The following LAMB4 variants were observed in gnomAD, a reference collection of about 807,000 sequenced individuals.
LAMB4 encodes the protein laminin subunit beta 4, also known as laminin subunit beta-4.
A neutral mutation model predicts 199.2 loss-of-function variants in LAMB4; 196 were observed. The observed-to-expected ratio is 0.98, with a 90% CI of 0.88 to 1.11. The LOEUF (loss-of-function observed/expected upper bound fraction) is 1.11. Among genes scored for constraint, LAMB4 ranks in the 50% least tolerant of loss-of-function variants. The probability of loss-of-function intolerance (pLI) is 0.00; values close to 1 mark genes in which losing one functional copy is unlikely to be tolerated. For synonymous variants in LAMB4, 744 were observed against 770.6 expected (o/e 0.97, Z 0.57); for missense variants, 2,080 against 2,171.2 (o/e 0.96, Z 0.83).
chr7:108,112,556 G>C (rs554617775), intron 3 of LAMB4, among the ~76,000 whole-genome samples: 3 of 152,300 alleles, frequency 2.0e-5, no homozygotes, highest in African/African-American at 7.2e-5. Context: ...GCCTCCGAAA[G>C]TGATGAGATT....
At chr7:108,025,432 CTTT>C (rs767315122) in intron 33 of LAMB4, among the ~76,000 whole-genome samples, 2 of 109,614 alleles carry the variant, frequency 1.8e-5, no homozygotes. Flanking sequence ...TTCTTTCTTT[CTTT>C]TTTTTTTTTT....
intron 6 of LAMB4, 93 bp downstream of exon 6, chr7:108,107,538 A>T (rs2038066064): frequency 4.2e-6 from 4 of 957,858 alleles, no homozygotes; most frequent in Non-Finnish European, 4.7e-6. Context: ...AACTTACATT[A>T]CAGTAAACAC....
the LAMB4 span, among the ~76,000 whole-genome samples, chr7:108,017,226 T>C: frequency 2.0e-5 from 3 of 151,992 alleles, no homozygotes; most frequent in African/African-American, 7.2e-5. Flanking sequence ...CCTTCTAGAG[T>C]GGCCACTTTT....
At position 108,034,115 on chromosome 7, in the gene LAMB4, G is replaced by A. The variant is rs189169955; in HGVS notation, c.4818+93C>T. 519 of 1,225,610 alleles carry A rather than the reference G, an allele frequency of 4.2e-4. 4 individuals are homozygous for A. The African/African-American group carries it at 7.0e-3, about 16-fold the overall frequency. The allele number at this position is 1,225,610 out of a possible 1,614,324, so 75.9% of individuals were successfully genotyped here. On this transcript the variant is annotated intron_variant, in intron 31 of 33. Transcript: ENST00000388781. ...TCCTCATAATAATCCCATCAGACTC[G>A]TAAAGCAAGCATAGCATTGGCATAC... is the stretch of plus-strand genomic sequence containing the variant.
At chr7:108,080,322 A>T (rs938910707) in intron 14 of LAMB4, among the ~76,000 whole-genome samples, 1 of 152,198 alleles carries the variant, frequency 6.6e-6, no homozygotes, top group East Asian at 1.9e-4. Flanking sequence ...GACGGTCTCT[A>T]TACTGGATGT....
At chr7:108,077,443 C>A (rs527801514) in intron 16 of LAMB4, among the ~76,000 whole-genome samples, 1 of 152,208 alleles carries the variant, frequency 6.6e-6, no homozygotes, top group East Asian at 1.9e-4. Context: ...ACCTGTAATC[C>A]CAGCACTTTG....
intron 14 of LAMB4, among the ~76,000 whole-genome samples, chr7:108,090,427 A>G (rs1045581731): frequency 6.6e-6 from 1 of 152,130 alleles, no homozygotes; most frequent in Non-Finnish European, 1.5e-5. Context: ...CTTTAAACCT[A>G]TTCCATGTCC....
the LAMB4 span, among the ~76,000 whole-genome samples, chr7:108,013,334 C>G: frequency 6.8e-3 from 1,039 of 152,236 alleles, 13 homozygotes; most frequent in African/African-American, 0.023. Flanking sequence ...AGATAATTGT[C>G]TAGTCACGGT....
At chr7:108,044,650 A>G (rs1329123064) in intron 28 of LAMB4, among the ~76,000 whole-genome samples, 1 of 152,164 alleles carries the variant, frequency 6.6e-6, no homozygotes, top group Non-Finnish European at 1.5e-5. Flanking sequence ...GATCAAACAT[A>G]ATTAGGAAAA....
intron 14 of LAMB4, among the ~76,000 whole-genome samples, chr7:108,088,022 G>T (rs1442263868): frequency 6.6e-6 from 1 of 152,156 alleles, no homozygotes; most frequent in Non-Finnish European, 1.5e-5. Flanking sequence ...GGCCATTCAT[G>T]AATGGTTTAC....
intron 32 of LAMB4, among the ~76,000 whole-genome samples, chr7:108,029,806 T>G (rs1377953022): frequency 2.0e-5 from 3 of 151,948 alleles, no homozygotes; most frequent in Non-Finnish European, 2.9e-5. Context: ...AATATGGAAG[T>G]GGGAACGGGG....
At chr7:108,049,677 A>G (rs2035764904) in intron 26 of LAMB4, 146 bp from the exon 27 acceptor site, 1 of 542,886 alleles carries the variant, frequency 1.8e-6, no homozygotes, top group African/African-American at 1.9e-5. Context: ...TTGAATTTGC[A>G]ATTGATGGGG....
At chr7:108,101,924 A>G (rs777792249) in intron 10 of LAMB4, among the ~76,000 whole-genome samples, 15 of 152,248 alleles carry the variant, frequency 9.9e-5, no homozygotes, top group Non-Finnish European at 1.9e-4. Flanking sequence ...GTGATAAAAC[A>G]AAGATAGCAA....
rs376000310 is a variant in LAMB4, at chr7:108,078,236, T to C, written c.1968A>G (p.Ser656=). The change falls in exon 16 of 34, where the codon TCA becomes TCG. Residue 656 remains serine (S), a synonymous_variant. Coordinates refer to ENST00000388781, the MANE Select transcript of LAMB4 (RefSeq NM_007356.3). The part of the protein sequence containing the change: ...SEHCIPKTLQ[S]KPQSFALPAA... The stretch of plus-strand genomic sequence containing the variant: ...CTGGTAAGGCAAAAGACTGAGGCTT[T>C]GACTGTAGAGTCTTGGGTATGCAGT... The C allele has an allele frequency of 3.2e-5, 52 of 1,611,550 alleles. No individual in the cohort carries two copies. The highest frequency in any genetic ancestry group is 1.6e-4 in the Middle Eastern group (1 of 6,084).
chr7:108,021,237 G>T (rs369396710), downstream of LAMB4, among the ~76,000 whole-genome samples: 1 of 152,246 alleles, frequency 6.6e-6, no homozygotes, highest in Admixed American at 6.5e-5. Context: ...TTTCCAGAAG[G>T]AATTATTAGC....
At chr7:108,116,263 AT>A in intron 2 of LAMB4, 102 bp from the exon 3 acceptor site, 1 of 1,143,068 alleles carries the variant, frequency 8.7e-7, no homozygotes, top group Non-Finnish European at 1.2e-6. Context: ...TTTATTTAAT[AT>A]TGGCCAAAGA....
At chr7:108,048,210 G>T in intron 27 of LAMB4, 99 bp from the exon 28 acceptor site, 2 of 996,312 alleles carry the variant, frequency 2.0e-6, no homozygotes, top group Non-Finnish European at 2.9e-6. Flanking sequence ...TGTTGCCCAG[G>T]CTGGAGAGCA....
intron 2 of LAMB4, among the ~76,000 whole-genome samples, chr7:108,117,295 A>T (rs2038440946): frequency 6.6e-6 from 1 of 152,242 alleles, no homozygotes; most frequent in South Asian, 2.1e-4. Context: ...ATGAGCAAGC[A>T]TTCTAATCAT....
the LAMB4 span, among the ~76,000 whole-genome samples, chr7:108,017,991 A>G: frequency 6.6e-6 from 1 of 152,232 alleles, no homozygotes; most frequent in Non-Finnish European, 1.5e-5. Context: ...TGCTCTTCGC[A>G]TTTATCACCT....
Sources: allele counts gnomAD v4.1 joint callset (sites outside exome capture counted in the v4.1 genomes callset), GRCh38; gene constraint gnomAD v4.1.1; transcripts MANE v1.5; gene names NCBI Gene and HGNC (gene_info 2026-07-23, HGNC 2026-07-21).